The following HDHD2 variants were observed in gnomAD, a reference collection of about 807,000 sequenced individuals.
HDHD2 encodes the protein haloacid dehalogenase-like hydrolase domain-containing protein 2.
Under a neutral mutation model 24.8 loss-of-function variants are expected in HDHD2, and 26 were observed. That is an observed-to-expected ratio of 1.05 (90% CI 0.77 to 1.45). The LOEUF (loss-of-function observed/expected upper bound fraction) is 1.45, where lower values mean the gene tolerates loss of function less well. Among genes scored for constraint, HDHD2 ranks in the 40% most tolerant of loss-of-function variants. The probability of loss-of-function intolerance (pLI) is 0.00; values close to 1 mark genes in which losing one functional copy is unlikely to be tolerated. For synonymous variants in HDHD2, 128 were observed against 114.9 expected, an observed-to-expected ratio of 1.11 and a Z score of -0.73; for missense variants, 299 against 313.4, an observed-to-expected ratio of 0.95 and a Z score of 0.35.
intron 4 of HDHD2, among the ~76,000 whole-genome samples, chr18:47,125,507 T>G (rs1321968584): frequency 2.0e-5 from 3 of 152,152 alleles, no homozygotes; most frequent in Non-Finnish European, 4.4e-5. Context: ...AACAGCAGAA[T>G]GAATAAATAA....
intron 4 of HDHD2, among the ~76,000 whole-genome samples, chr18:47,126,950 G>A (rs994779155): frequency 2.0e-5 from 3 of 152,102 alleles, no homozygotes; most frequent in South Asian, 2.1e-4. Context: ...GGATCACGAC[G>A]TCAGATCGAG....
chr18:47,124,572 G>A (rs1262632523), intron 4 of HDHD2, among the ~76,000 whole-genome samples: 1 of 151,874 alleles, frequency 6.6e-6, no homozygotes, highest in Non-Finnish European at 1.5e-5. Flanking sequence ...CAGGCGTGGT[G>A]GTGCATGGCT....
chr18:47,113,047 A>C lies in HDHD2; in HGVS notation c.613-7T>G. 6.2e-7 allele frequency: 1 copy of C among 1,613,782 alleles called. No homozygotes were observed. The highest frequency in any genetic ancestry group is 1.1e-5 in the South Asian group (1 of 91,076). On this transcript the variant is annotated splice_polypyrimidine_tract_variant and splice_region_variant and intron_variant, in intron 5 of 6. Transcript: ENST00000300605. ...CAACATCATCCCTGCAATCCTAGAA[A>C]AGCATAAAGAAAGCATTTAGTCCAG...
At chr18:47,129,689 G>C (rs1157501630) in intron 4 of HDHD2, among the ~76,000 whole-genome samples, 1 of 152,106 alleles carries the variant, frequency 6.6e-6, no homozygotes, top group African/African-American at 2.4e-5. Flanking sequence ...AGGTAGAATC[G>C]CATTTATTGT....
At chr18:47,140,848 T>C (rs947728749) in intron 1 of HDHD2, among the ~76,000 whole-genome samples, 1 of 144,954 alleles carries the variant, frequency 6.9e-6, no homozygotes, top group Admixed American at 6.9e-5. Flanking sequence ...ATAAGAAAAA[T>C]AGAAACAAAA....
At chr18:47,120,139 G>A (rs781406656) in intron 4 of HDHD2, among the ~76,000 whole-genome samples, 3 of 152,186 alleles carry the variant, frequency 2.0e-5, no homozygotes, top group East Asian at 1.9e-4. Context: ...TAGACTGCCC[G>A]TCCTTTGAAG....
chr18:47,122,836 A>G (rs543019465), intron 4 of HDHD2, among the ~76,000 whole-genome samples: 1 of 152,334 alleles, frequency 6.6e-6, no homozygotes, highest in East Asian at 1.9e-4. Context: ...AAAAATTAAA[A>G]TAGAAGATCT....
intron 3 of HDHD2, among the ~76,000 whole-genome samples, chr18:47,132,657 T>C (rs370863175): frequency 3.3e-5 from 5 of 152,248 alleles, no homozygotes; most frequent in East Asian, 1.9e-4. Context: ...AGTACTAGTT[T>C]TGAGGTCTGC....
At chr18:47,138,127 G>A (rs1252113880) in intron 1 of HDHD2, among the ~76,000 whole-genome samples, 4 of 119,582 alleles carry the variant, frequency 3.3e-5, no homozygotes, top group African/African-American at 9.8e-5. Flanking sequence ...AGCCGAGATC[G>A]CACCACTGCA....
intron 4 of HDHD2, among the ~76,000 whole-genome samples, chr18:47,120,771 G>T (rs571923461): frequency 2.6e-5 from 4 of 152,118 alleles, no homozygotes; most frequent in Admixed American, 2.6e-4. Flanking sequence ...CCACTGTAGG[G>T]TTATCAATTG....
At chr18:47,143,041 G>C (rs771466320) in intron 1 of HDHD2, among the ~76,000 whole-genome samples, 1 of 152,012 alleles carries the variant, frequency 6.6e-6, no homozygotes, top group African/African-American at 2.4e-5. Flanking sequence ...TAATAAACCT[G>C]TTATATTAAT....
At chr18:47,124,138 C>A (rs2063634013) in intron 4 of HDHD2, among the ~76,000 whole-genome samples, 1 of 152,180 alleles carries the variant, frequency 6.6e-6, no homozygotes, top group Non-Finnish European at 1.5e-5. Flanking sequence ...TTCTATTTCA[C>A]ACAATTCACA....
intron 4 of HDHD2, among the ~76,000 whole-genome samples, chr18:47,122,442 C>T (rs1357703577): frequency 6.6e-6 from 1 of 152,098 alleles, no homozygotes; most frequent in Non-Finnish European, 1.5e-5. Flanking sequence ...ACCACCACCC[C>T]TCTCCCTCAG....
chr18:47,126,886 C>T lies in HDHD2; in HGVS notation c.395+3358G>A, dbSNP rs112807739. Among the ~76,000 whole-genome samples the T allele has an allele frequency of 5.7e-3, 869 of 152,276 alleles. 6 individuals are homozygous for T. Among genetic ancestry groups the T allele is most frequent in the South Asian group, 0.029 (140 of 4,826 alleles). Reference sequence around the variant, plus strand: ...AATTTCAAAAACCTGGAATACCAGCCAGGAGCAGTGGCTCACGCCTGTAAT... The same window carrying T: ...AATTTCAAAAACCTGGAATACCAGCTAGGAGCAGTGGCTCACGCCTGTAAT... On this transcript the variant is annotated intron_variant, in intron 4 of 6. Coordinates refer to ENST00000300605, the MANE Select transcript of HDHD2 (RefSeq NM_032124.5).
chr18:47,110,598 CA>C, intron 6 of HDHD2: 2 of 985,358 alleles, frequency 2.0e-6, no homozygotes, highest in Non-Finnish European at 2.4e-6. Context: ...TAGAAATTGA[CA>C]AAAGTGGCTT....
At chr18:47,130,608 T>C (rs1336440171) in intron 3 of HDHD2, among the ~76,000 whole-genome samples, 2 of 152,248 alleles carry the variant, frequency 1.3e-5, no homozygotes, top group Non-Finnish European at 2.9e-5. Flanking sequence ...AAGATCTGAA[T>C]TGAAAATTGT....
At chr18:47,123,765 A>G (rs115749875) in intron 4 of HDHD2, among the ~76,000 whole-genome samples, 1,663 of 152,348 alleles carry the variant, frequency 0.011, 17 homozygotes, top group Middle Eastern at 0.068. Context: ...ATTTTCATAG[A>G]CTGGAAGATA....
At chr18:47,111,228 T>G in intron 6 of HDHD2, 1 of 985,298 alleles carries the variant, frequency 1.0e-6, no homozygotes, top group Non-Finnish European at 1.2e-6. Flanking sequence ...AACTGATGCC[T>G]GTGAAAGGCT....
intron 3 of HDHD2, among the ~76,000 whole-genome samples, chr18:47,133,681 G>A (rs892564093): frequency 2.6e-5 from 4 of 152,068 alleles, no homozygotes; most frequent in Admixed American, 6.5e-5. Flanking sequence ...TCTAACTGGT[G>A]TGAGATGATA....
Sources: allele counts gnomAD v4.1 joint callset (sites outside exome capture counted in the v4.1 genomes callset), GRCh38; gene constraint gnomAD v4.1.1; transcripts MANE v1.5; gene names NCBI Gene and HGNC (gene_info 2026-07-23, HGNC 2026-07-21).